The following BLVRA variants were observed in gnomAD, a reference collection of about 807,000 sequenced individuals.
BLVRA encodes the protein biliverdin reductase A.
Under a neutral mutation model 32.8 loss-of-function variants are expected in BLVRA, and 22 were observed. That is an observed-to-expected ratio of 0.67 (90% CI 0.48 to 0.96). BLVRA has a LOEUF of 0.96. Ranked by LOEUF, BLVRA falls within the 40% of genes least tolerant of loss-of-function variation. BLVRA has a pLI of 0.00. For missense variants in BLVRA, 323 were observed against 358.1 expected, an observed-to-expected ratio of 0.90 and a Z score of 0.79; for synonymous variants, 119 against 141.3, an observed-to-expected ratio of 0.84 and a Z score of 1.12.
intron 2 of BLVRA, among the ~76,000 whole-genome samples, chr7:43,776,973 T>G (rs571134808): frequency 1.9e-3 from 294 of 152,316 alleles, no homozygotes; most frequent in African/African-American, 6.6e-3. Flanking sequence ...ACCCCTACCA[T>G]TTTTTGTTTT....
chr7:43,794,451 T>C (rs1026411980), intron 5 of BLVRA, among the ~76,000 whole-genome samples: 1 of 152,176 alleles, frequency 6.6e-6, no homozygotes, highest in Non-Finnish European at 1.5e-5. Flanking sequence ...TAAATCACTT[T>C]AGGCCAGGCA....
intron 1 of BLVRA, chr7:43,767,608 T>C: frequency 1.1e-6 from 1 of 878,586 alleles, no homozygotes; most frequent in Non-Finnish European, 1.9e-6. Flanking sequence ...AAAGTGAACA[T>C]CACCTTTTGA....
chr7:43,789,049 A>G (rs1409778050), intron 3 of BLVRA, among the ~76,000 whole-genome samples: 1 of 151,990 alleles, frequency 6.6e-6, no homozygotes, highest in Non-Finnish European at 1.5e-5. Context: ...ACACACACAC[A>G]CACACGCACC....
In BLVRA at chr7:43,775,884, G is replaced by C. The variant is rs1300745265; in HGVS notation, c.12+4714G>C. On this transcript the variant is annotated intron_variant, in intron 2 of 7. Coordinates refer to ENST00000265523, the MANE Select transcript of BLVRA (RefSeq NM_000712.4). ...TTAGTCTTGGGAGGGTGTATGTGTT[G>C]AGGAATTTATCCATTTCTTCTAGAT... Among the ~76,000 whole-genome samples, 7 of 152,262 alleles carry C rather than the reference G, an allele frequency of 4.6e-5. No individual in the cohort carries two copies. The East Asian group carries it at 1.3e-3, about 29-fold the overall frequency.
intron 1 of BLVRA, chr7:43,767,411 C>T: frequency 1.3e-6 from 2 of 1,595,680 alleles, no homozygotes; most frequent in Non-Finnish European, 1.7e-6. Context: ...ATCACTGTTC[C>T]TATCGGGTTA....
chr7:43,804,259 T>C (rs2095801834), intron 7 of BLVRA, among the ~76,000 whole-genome samples: 1 of 152,186 alleles, frequency 6.6e-6, no homozygotes, highest in Non-Finnish European at 1.5e-5. Context: ...CTGGCTAACA[T>C]GGTGAAACCC....
chr7:43,773,352 T>C (rs1046320203), intron 2 of BLVRA, among the ~76,000 whole-genome samples: 1 of 151,424 alleles, frequency 6.6e-6, no homozygotes, highest in Non-Finnish European at 1.5e-5. Context: ...TGTGTTCTCA[T>C]TGTTCAATTC....
intron 1 of BLVRA, 25 bp downstream of exon 1, chr7:43,758,759 G>T (rs1294037942): frequency 2.0e-5 from 3 of 151,804 alleles, no homozygotes; most frequent in Non-Finnish European, 4.4e-5. Flanking sequence ...GGGAACGGGG[G>T]TCGCGCGCAG....
At chr7:43,759,922 G>A (rs1249388451) in intron 1 of BLVRA, 1 of 151,674 alleles carries the variant, frequency 6.6e-6, no homozygotes, top group Non-Finnish European at 1.5e-5. Context: ...TTACAATAGG[G>A]TCTCTAATTA....
intron 1 of BLVRA, among the ~76,000 whole-genome samples, chr7:43,766,782 GTCAC>G (rs1375297650): frequency 1.3e-5 from 2 of 152,196 alleles, no homozygotes; most frequent in Non-Finnish European, 2.9e-5. Flanking sequence ...GGTCCTGCCA[GTCAC>G]TCACAGCTCT....
chr7:43,766,432 A>T (rs1040395586), intron 1 of BLVRA, among the ~76,000 whole-genome samples: 1 of 152,244 alleles, frequency 6.6e-6, no homozygotes, highest in African/African-American at 2.4e-5. Flanking sequence ...TTTAAATAGT[A>T]CACCTTTGAA....
In BLVRA at chr7:43,800,458, G is replaced by A. The variant is rs576789900; in HGVS notation, c.353-7G>A. ...CTGCCCTTTTTATTCCATTTTTGTC[G>A]TTACAGGAAAAGTCTTGCACGAGGA... On this transcript the variant is annotated splice_region_variant and splice_polypyrimidine_tract_variant and intron_variant, in intron 5 of 7. Coordinates refer to ENST00000265523, the MANE Select transcript of BLVRA (RefSeq NM_000712.4). 62 of 1,613,630 alleles carry A rather than the reference G, an allele frequency of 3.8e-5. No homozygotes were observed. The highest frequency in any genetic ancestry group is 1.7e-4 in the Middle Eastern group (1 of 6,060).
chr7:43,759,498 G>C (rs1359856908), intron 1 of BLVRA, among the ~76,000 whole-genome samples: 1 of 152,198 alleles, frequency 6.6e-6, no homozygotes, highest in Non-Finnish European at 1.5e-5. Context: ...TCTTGGGCAC[G>C]TTAACCAACC....
chr7:43,774,207 C>G (rs2095757881), intron 2 of BLVRA, among the ~76,000 whole-genome samples: 1 of 152,172 alleles, frequency 6.6e-6, no homozygotes, highest in Non-Finnish European at 1.5e-5. Flanking sequence ...GACATGAAGT[C>G]CTTGCCCATG....
chr7:43,802,123 C>T (rs1281869076), intron 6 of BLVRA, among the ~76,000 whole-genome samples: 5 of 152,072 alleles, frequency 3.3e-5, no homozygotes, highest in East Asian at 1.9e-4. Context: ...TAGGTGACAA[C>T]GAGACTCTGT....
At chr7:43,798,934 T>TA (rs1470884016) in intron 5 of BLVRA, among the ~76,000 whole-genome samples, 1 of 151,082 alleles carries the variant, frequency 6.6e-6, no homozygotes, top group Non-Finnish European at 1.5e-5. Context: ...CAGAGACTGT[T>TA]ACATAGTGCT....
intron 2 of BLVRA, among the ~76,000 whole-genome samples, chr7:43,783,155 C>A (rs1038963210): frequency 2.0e-5 from 3 of 151,912 alleles, no homozygotes; most frequent in African/African-American, 7.3e-5. Flanking sequence ...ATAGTGAATA[C>A]ATTTGTGTGA....
At chr7:43,763,403 T>A (rs937015770) in intron 1 of BLVRA, among the ~76,000 whole-genome samples, 1 of 152,158 alleles carries the variant, frequency 6.6e-6, no homozygotes, top group Non-Finnish European at 1.5e-5. Flanking sequence ...AGCTGGATGC[T>A]AAGAGTACAG....
At chr7:43,762,606 C>CTTT (rs1162480081) in intron 1 of BLVRA, among the ~76,000 whole-genome samples, 9 of 100,860 alleles carry the variant, frequency 8.9e-5, no homozygotes, top group African/African-American at 3.2e-4. Context: ...CCAGTAGTTC[C>CTTT]TTTTTTTTTT....
Sources: gnomAD v4.1 joint callset for allele counts (sites outside exome capture counted in the v4.1 genomes callset) on GRCh38, gnomAD v4.1.1 for gene constraint, MANE v1.5 for transcripts, NCBI Gene and HGNC (gene_info 2026-07-23, HGNC 2026-07-21) for gene names.